The following NEBL variants were observed in gnomAD, a reference collection of about 807,000 sequenced individuals.
NEBL encodes nebulette.
Under a neutral mutation model 140.2 loss-of-function variants are expected in NEBL, and 122 were observed. The observed-to-expected ratio is 0.87, with a 90% CI of 0.75 to 1.01. NEBL has a LOEUF of 1.01. Among genes scored for constraint, NEBL ranks in the 50% least tolerant of loss-of-function variants. The pLI, the probability that NEBL is intolerant of heterozygous loss-of-function variation, is 0.00. For synonymous variants in NEBL, 436 were observed against 398.9 expected, an observed-to-expected ratio of 1.09 and a Z score of -1.11; for missense variants, 1,365 against 1,231.3, an observed-to-expected ratio of 1.11 and a Z score of -1.62.
intron 3 of NEBL, among the ~76,000 whole-genome samples, chr10:21,216,315 A>C (rs112047330): frequency 4.9e-4 from 74 of 152,326 alleles, no homozygotes; most frequent in African/African-American, 1.7e-3. Context: ...GACAAGGAGA[A>C]GTCAAAAGGG....
Position 21,050,547 on chromosome 10 carries a change from G to A in NEBL, c.165-30346C>T, listed in dbSNP as rs116403433. On this transcript the variant is annotated intron_variant, in intron 2 of 6. Coordinates refer to the NEBL transcript ENST00000417816. ...AAAGAAGCAGATGTCACTGCAGTACGGGGAGAAGCATGAGAACAATGAACC... is the reference window on the plus strand; with the variant it reads ...AAAGAAGCAGATGTCACTGCAGTACAGGGAGAAGCATGAGAACAATGAACC... Among the ~76,000 whole-genome samples, 674 of 152,292 alleles carry A rather than the reference G, an allele frequency of 4.4e-3. 6 individuals carry two copies. The highest frequency in any genetic ancestry group is 0.014 in the African/African-American group (598 of 41,566).
chr10:20,810,564 A>G (rs1051033329), intron 24 of NEBL, among the ~76,000 whole-genome samples: 2 of 152,172 alleles, frequency 1.3e-5, no homozygotes, highest in Non-Finnish European at 2.9e-5. Flanking sequence ...AAGAGAAATA[A>G]TATCAGCTTC....
chr10:20,811,568 A>G (rs1301304124), intron 24 of NEBL, among the ~76,000 whole-genome samples: 3 of 152,164 alleles, frequency 2.0e-5, no homozygotes, highest in African/African-American at 7.2e-5. Context: ...GCCTACAAAC[A>G]TGTTTGGAAT....
At chr10:20,919,229 T>G (rs1376773584) in intron 4 of NEBL, among the ~76,000 whole-genome samples, 2 of 152,214 alleles carry the variant, frequency 1.3e-5, no homozygotes, top group Admixed American at 1.3e-4. Flanking sequence ...AATTATATAC[T>G]TTTTAGAAAA....
At chr10:21,113,093 TAAG>T (rs370124609) in intron 2 of NEBL, 100 of 225,314 alleles carry the variant, frequency 4.4e-4, no homozygotes, top group African/African-American at 2.4e-3. Flanking sequence ...AGAATAAGAA[TAAG>T]AAGAAGGAGG....
upstream of NEBL, among the ~76,000 whole-genome samples, chr10:21,175,352 T>C (rs553669647): frequency 6.6e-6 from 1 of 152,324 alleles, no homozygotes; most frequent in South Asian, 2.1e-4. Context: ...TCGGCCTGGC[T>C]CAAGGGAAGC....
At chr10:20,903,256 TG>T (rs1264125113) in intron 4 of NEBL, among the ~76,000 whole-genome samples, 3 of 152,092 alleles carry the variant, frequency 2.0e-5, no homozygotes, top group Non-Finnish European at 4.4e-5. Context: ...GGCTCACATA[TG>T]AAAAAAATGC....
chr10:21,118,658 G>C (rs1838388347), intron 2 of NEBL, among the ~76,000 whole-genome samples: 1 of 151,960 alleles, frequency 6.6e-6, no homozygotes, highest in East Asian at 1.9e-4. Context: ...GATGTATTTA[G>C]ACACTGTTTT....
chr10:20,848,162 A>G (rs1842129058), intron 11 of NEBL, among the ~76,000 whole-genome samples: 1 of 152,184 alleles, frequency 6.6e-6, no homozygotes, highest in Admixed American at 6.5e-5. Context: ...ACTCCATCCA[A>G]AAAGTGCTGC....
chr10:21,011,161 G>A (rs1377285733), intron 3 of NEBL, among the ~76,000 whole-genome samples: 2 of 152,160 alleles, frequency 1.3e-5, no homozygotes, highest in African/African-American at 2.4e-5. Context: ...TACATCTTAT[G>A]CCCTGAAAAA....
intron 1 of NEBL, among the ~76,000 whole-genome samples, chr10:21,264,600 C>T (rs1842777031): frequency 1.4e-5 from 2 of 146,514 alleles, no homozygotes; most frequent in African/African-American, 5.1e-5. Context: ...ATGATTAATG[C>T]AGAGGTGTCC....
intron 2 of NEBL, among the ~76,000 whole-genome samples, chr10:21,130,060 TATC>T: frequency 1.3e-5 from 2 of 152,130 alleles, no homozygotes; most frequent in South Asian, 4.2e-4. Context: ...GAGAAAAAGA[TATC>T]ATGATAACAC....
chr10:20,848,432 T>C (rs1034984843), intron 11 of NEBL, among the ~76,000 whole-genome samples: 5 of 152,188 alleles, frequency 3.3e-5, no homozygotes, highest in Non-Finnish European at 7.4e-5. Context: ...TTCCTCTTCA[T>C]TGGCTTAAGA....
chr10:20,813,960 T>G lies in NEBL; in HGVS notation c.2325A>C (p.Glu775Asp). Residue 775 changes from glutamate to aspartate, a missense_variant, in exon 23 of 28, where the codon GAA (glutamate) becomes GAC (aspartate). Glu to Asp is a conservative substitution (Grantham distance 45, BLOSUM62 2). This residue lies in a region of NEBL where 1,323 missense variants were observed against 1,154.8 expected (regional missense o/e 1.15). Transcript: ENST00000377122. The stretch of plus-strand genomic sequence containing the variant: ...CTACCATTGAAATATGATTTTGTGC[T>G]TCTTTAACATGTCTCATAGCAGGTG... The part of the protein sequence containing the change: ...LDTPAMRHVK[E>D]AQNHISMVKY... 1 of 1,603,204 alleles carries G rather than the reference T, an allele frequency of 6.2e-7. No individual in the cohort carries two copies. The highest frequency in any genetic ancestry group is 1.1e-5 in the South Asian group (1 of 90,828).
chr10:21,134,045 G>A (rs1839235205), intron 2 of NEBL, among the ~76,000 whole-genome samples: 1 of 152,086 alleles, frequency 6.6e-6, no homozygotes, highest in African/African-American at 2.4e-5. Flanking sequence ...TGCCTACATG[G>A]TGAAATTTGG....
chr10:21,081,119 T>C (rs1165453905), intron 2 of NEBL, among the ~76,000 whole-genome samples: 1 of 152,166 alleles, frequency 6.6e-6, no homozygotes, highest in Non-Finnish European at 1.5e-5. Context: ...CCTCCCAAAG[T>C]GCTGGGAATA....
rs138010324 is a variant in NEBL at position 21,019,942 on chromosome 10, C to T, written c.249+175G>A. Among the ~76,000 whole-genome samples, 270 of 152,270 alleles carry T rather than the reference C, an allele frequency of 1.8e-3. 1 individual carries two copies. Among genetic ancestry groups the T allele is most frequent in the African/African-American group, 6.0e-3 (251 of 41,538 alleles). On this transcript the variant is annotated intron_variant, in intron 3 of 6. Coordinates refer to the NEBL transcript ENST00000417816. Reference sequence around the variant, plus strand: ...TGAGAATATCAGGACAATTCAAGACCGGGAACAGTACAGATGTTCAACACT... The same window carrying T: ...TGAGAATATCAGGACAATTCAAGACTGGGAACAGTACAGATGTTCAACACT...
chr10:21,113,019 TGAA>T lies in NEBL; in HGVS notation c.164+59361_164+59363del, dbSNP rs1452597503. ...AAAAAGTAAAACTTGCTGCCACTCC[TGAA>T]GAAGAAGGAGGAGGAGAGGGAGGGG... is the stretch of plus-strand genomic sequence containing the variant. On this transcript the variant is annotated intron_variant, in intron 2 of 6. Transcript: ENST00000417816. 4.7e-5 allele frequency: 11 copies of T among 235,456 alleles called. No homozygotes were observed. In the East Asian group the frequency reaches 7.0e-4, roughly 15 times the overall value. 14.6% of individuals were successfully genotyped at this position (235,456 alleles called of 1,614,324 possible).
intron 1 of NEBL, among the ~76,000 whole-genome samples, chr10:21,283,952 C>A (rs1320998918): frequency 1.3e-5 from 2 of 148,496 alleles, no homozygotes; most frequent in African/African-American, 5.0e-5. Context: ...AATCCCAGCA[C>A]TTTGGGAGGC....
Sources: gnomAD v4.1 joint callset for allele counts (sites outside exome capture counted in the v4.1 genomes callset) on GRCh38, gnomAD v4.1.1 for gene constraint, gnomAD v4.1.1 regional missense constraint, MANE v1.5 for transcripts, NCBI Gene and HGNC (gene_info 2026-07-23, HGNC 2026-07-21) for gene names.